The following DOCK3 variants were observed in gnomAD, a reference collection of about 807,000 sequenced individuals.
DOCK3 encodes dedicator of cytokinesis protein 3.
In DOCK3, 60 loss-of-function variants were observed where a neutral mutation model predicts 265.6. The observed-to-expected ratio is 0.23, with a 90% CI of 0.18 to 0.28. The LOEUF is 0.28. Ranked by LOEUF, DOCK3 falls within the 10% of genes least tolerant of loss-of-function variation. The pLI, the probability that DOCK3 is intolerant of heterozygous loss-of-function variation, is 1.00. For missense variants in DOCK3, 1,981 were observed against 2,594.3 expected, an observed-to-expected ratio of 0.76 and a Z score of 5.14; for synonymous variants, 881 against 938.0, an observed-to-expected ratio of 0.94 and a Z score of 1.11.
chr3:50,733,172 C>A (rs181767046), intron 1 of DOCK3, among the ~76,000 whole-genome samples: 1 of 152,252 alleles, frequency 6.6e-6, no homozygotes. Flanking sequence ...AGAGAATGTT[C>A]TGTGCATTTG....
Position 51,011,399 on chromosome 3 carries a change from C to A in DOCK3, c.316-53049C>A, listed in dbSNP as rs546220366. On this transcript the variant is annotated intron_variant, in intron 5 of 52. Transcript: ENST00000266037. ...TGATCTTCAGTCACTGATACCCTTT[C>A]TTCCAGTTGTTCAAGTTGGCTACTG... Among the ~76,000 whole-genome samples, 3 of 152,326 alleles carry A rather than the reference C, an allele frequency of 2.0e-5. No individual in the cohort carries two copies. In the Middle Eastern group the frequency reaches 0.01, roughly 518 times the overall value.
intron 5 of DOCK3, among the ~76,000 whole-genome samples, chr3:51,009,432 T>A (rs1345649310): frequency 2.6e-5 from 4 of 152,208 alleles, no homozygotes; most frequent in Non-Finnish European, 5.9e-5. Flanking sequence ...TCTCTGATGG[T>A]AGTTTGTATT....
At chr3:50,729,865 AG>A (rs1475095413) in intron 1 of DOCK3, among the ~76,000 whole-genome samples, 32 of 130,280 alleles carry the variant, frequency 2.5e-4, no homozygotes, top group Middle Eastern at 8.8e-3. Context: ...GCCTCACTTC[AG>A]TGGCCCAGGC....
At position 51,085,836 on chromosome 3, in the gene DOCK3, A is replaced by G. The variant is rs182941283; in HGVS notation, c.550-3407A>G. Among the ~76,000 whole-genome samples the G allele has an allele frequency of 3.9e-4, 60 of 152,326 alleles. 1 individual carries two copies. In the East Asian group the frequency reaches 4.4e-3, roughly 11 times the overall value. ...AAAGATCAGAGCAGAACTAAACAAA[A>G]TAGAGCTGAAAAAAACAATACAAAG... On this transcript the variant is annotated intron_variant, in intron 7 of 52. Coordinates refer to ENST00000266037, the MANE Select transcript of DOCK3 (RefSeq NM_004947.5).
chr3:51,341,084 CCTA>C (rs1200239407), intron 37 of DOCK3, among the ~76,000 whole-genome samples, 150 bp from the exon 38 acceptor site: 1 of 152,188 alleles, frequency 6.6e-6, no homozygotes, highest in Non-Finnish European at 1.5e-5. Context: ...GTTGAGCAGC[CCTA>C]CTGTTTCATC....
At chr3:50,912,805 G>C (rs889849230) in intron 4 of DOCK3, among the ~76,000 whole-genome samples, 14 of 151,940 alleles carry the variant, frequency 9.2e-5, no homozygotes, top group Non-Finnish European at 1.6e-4. Context: ...CAGAGTCAGC[G>C]TGCAGTGAAT....
intron 4 of DOCK3, among the ~76,000 whole-genome samples, chr3:50,919,451 C>T (rs1488706753): frequency 6.6e-6 from 1 of 152,134 alleles, no homozygotes; most frequent in Non-Finnish European, 1.5e-5. Context: ...TTGTAGTTCT[C>T]TTTGAAGAGG....
chr3:51,378,201 C>T (rs1287093420), intron 51 of DOCK3, among the ~76,000 whole-genome samples: 1 of 152,236 alleles, frequency 6.6e-6, no homozygotes, highest in Non-Finnish European at 1.5e-5. Context: ...CTCCTTCCTG[C>T]CGCCAGCTAT....
rs570905079 is a variant in DOCK3, at chr3:50,756,846, T to G, written c.38-21829T>G. Among the ~76,000 whole-genome samples, 7 of 152,300 alleles carry G rather than the reference T, an allele frequency of 4.6e-5. No homozygotes were observed. The South Asian group carries it at 1.5e-3, about 32-fold the overall frequency. ...TATCTTCTTTGGGAGAAATATCTAT[T>G]CACATCCTTTCCCTATTTAAAAATT... is the stretch of plus-strand genomic sequence containing the variant. On this transcript the variant is annotated intron_variant, in intron 1 of 52. Coordinates refer to ENST00000266037, the MANE Select transcript of DOCK3 (RefSeq NM_004947.5).
chr3:50,887,920 A>G (rs576398348), intron 3 of DOCK3, among the ~76,000 whole-genome samples: 6 of 152,236 alleles, frequency 3.9e-5, no homozygotes, highest in Admixed American at 2.6e-4. Context: ...ATGGGCAAAA[A>G]CTGGAAGTAT....
At chr3:50,983,433 T>TGG (rs2077775541) in intron 5 of DOCK3, among the ~76,000 whole-genome samples, 1 of 151,870 alleles carries the variant, frequency 6.6e-6, no homozygotes, top group Non-Finnish European at 1.5e-5. Context: ...ACACATTTCC[T>TGG]CCCCTCTGTG....
intron 46 of DOCK3, among the ~76,000 whole-genome samples, chr3:51,358,395 T>G (rs547474608): frequency 6.6e-6 from 1 of 152,184 alleles, no homozygotes; most frequent in African/African-American, 2.4e-5. Flanking sequence ...ATGGCCCACA[T>G]GTAGGGATCT....
At chr3:50,694,987 G>T (rs1437835146) in intron 1 of DOCK3, among the ~76,000 whole-genome samples, 2 of 152,146 alleles carry the variant, frequency 1.3e-5, no homozygotes, top group Admixed American at 6.5e-5. Flanking sequence ...AAGCCGAAAG[G>T]TTAGCAGATT....
intron 5 of DOCK3, among the ~76,000 whole-genome samples, chr3:50,946,425 A>G (rs973541321): frequency 5.9e-5 from 9 of 152,226 alleles, no homozygotes; most frequent in Non-Finnish European, 4.4e-5. Flanking sequence ...TATTTTAACT[A>G]TGTAAGGCTA....
At chr3:51,363,878 G>A (rs571572519) in intron 49 of DOCK3, among the ~76,000 whole-genome samples, 5 of 152,308 alleles carry the variant, frequency 3.3e-5, no homozygotes, top group Admixed American at 6.5e-5. Context: ...TCTTAATCCA[G>A]TCTGTCATTG....
At chr3:50,756,455 A>G (rs2040169311) in intron 1 of DOCK3, among the ~76,000 whole-genome samples, 1 of 152,136 alleles carries the variant, frequency 6.6e-6, no homozygotes, top group Admixed American at 6.5e-5. Context: ...TAACAGATAT[A>G]TCACATTTTG....
intron 5 of DOCK3, among the ~76,000 whole-genome samples, chr3:51,016,714 C>G (rs1192935569): frequency 1.5e-5 from 1 of 67,390 alleles, no homozygotes; most frequent in Non-Finnish European, 2.3e-5. Context: ...TATTATATAT[C>G]AATATAATAT....
intron 9 of DOCK3, among the ~76,000 whole-genome samples, chr3:51,124,047 C>T (rs907606951): frequency 2.0e-5 from 3 of 152,150 alleles, no homozygotes; most frequent in Non-Finnish European, 2.9e-5. Context: ...TGTCAAGTTT[C>T]CTCTTGCCAT....
intron 26 of DOCK3, 43 bp downstream of exon 26, chr3:51,277,797 C>T (rs1278871454): frequency 1.3e-6 from 2 of 1,580,440 alleles, no homozygotes; most frequent in Admixed American, 1.8e-5. Flanking sequence ...CTTTTCTAAC[C>T]CGGGGCTTCT....
Sources: allele counts gnomAD v4.1 joint callset (sites outside exome capture counted in the v4.1 genomes callset), GRCh38; gene constraint gnomAD v4.1.1; transcripts MANE v1.5; gene names NCBI Gene and HGNC (gene_info 2026-07-23, HGNC 2026-07-21).